Variants in GP6 observed in about 807,000 individuals in gnomAD.
GP6 encodes the protein glycoprotein VI platelet.
In GP6, 45 loss-of-function variants were observed where a neutral mutation model predicts 37.3. The ratio of observed to expected loss-of-function variants is 1.21; its 90% CI spans 0.95 to 1.55. GP6 has a LOEUF of 1.55. Among genes scored for constraint, GP6 ranks in the 40% most tolerant of loss-of-function variants. The pLI is 0.00. For synonymous variants in GP6, 340 were observed against 316.4 expected (o/e 1.07, Z -0.79); for missense variants, 813 against 760.2 (o/e 1.07, Z -0.82).
Position 55,018,663 on chromosome 19 carries a change from A to G in GP6, c.713T>C (p.Val238Ala), listed in dbSNP as rs2073963553. 1.3e-6 allele frequency: 2 copies of G among 1,596,570 alleles called. No individual in the cohort carries two copies. The highest frequency in any genetic ancestry group is 1.7e-6 in the Non-Finnish European group (2 of 1,163,944). ...GCCTGGTTACTCACCAGTTGTGAAG[A>G]CTTCGTTTGTGAATGAGACGGTCAG... Residue 238 changes from valine (V) to alanine (A), a missense_variant, in exon 6 of 8, where the codon GTC (valine) becomes GCC (alanine). Val to Ala is a moderately conservative substitution (Grantham distance 64, BLOSUM62 0). Transcript: ENST00000310373.
chr19:55,025,839 G>A (rs557975574), intron 4 of GP6, among the ~76,000 whole-genome samples: 2 of 151,200 alleles, frequency 1.3e-5, no homozygotes, highest in African/African-American at 2.4e-5. Flanking sequence ...CTGTCTCTAC[G>A]AAAAATACAA....
intron 5 of GP6, among the ~76,000 whole-genome samples, chr19:55,019,196 C>T (rs967830414): frequency 8.0e-5 from 12 of 150,438 alleles, no homozygotes; most frequent in African/African-American, 2.7e-4. Context: ...ACCTCCACCT[C>T]CTGGGTTCAA....
intron 3 of GP6, among the ~76,000 whole-genome samples, chr19:55,028,785 G>A (rs1033654148): frequency 1.3e-5 from 2 of 152,218 alleles, no homozygotes; most frequent in African/African-American, 4.8e-5. Flanking sequence ...ACTCTGATGT[G>A]AGGTTGTTGT....
At chr19:55,017,908 A>AT (rs2073934619) in intron 6 of GP6, among the ~76,000 whole-genome samples, 1 of 150,286 alleles carries the variant, frequency 6.7e-6, no homozygotes. Flanking sequence ...GTCTCTACTA[A>AT]AATACAAAAA....
intron 3 of GP6, among the ~76,000 whole-genome samples, chr19:55,028,898 G>A (rs1049868978): frequency 6.6e-6 from 1 of 152,136 alleles, no homozygotes; most frequent in Non-Finnish European, 1.5e-5. Flanking sequence ...ACTTTGGGAG[G>A]CCAAGGTGGG....
intron 5 of GP6, among the ~76,000 whole-genome samples, chr19:55,020,205 CTTT>C (rs71181725): frequency 0.39 from 43,752 of 111,338 alleles, 6,858 homozygotes; most frequent in Middle Eastern, 0.48. Flanking sequence ...ATTAATAAAC[CTTT>C]TTTTTTTTTT....
rs1398007896 is a variant in GP6 at position 55,014,244 on chromosome 19, T to C, written c.1701A>G (p.Leu567=). Reference sequence around the variant, plus strand: ...TCAGCCCCCTGAGTTGCTGGGAGTATAGGGATGCACCACCACACCTGGCTA... The same window carrying C: ...TCAGCCCCCTGAGTTGCTGGGAGTACAGGGATGCACCACCACACCTGGCTA... Residue 567 remains leucine, a synonymous_variant, in exon 8 of 8, where the codon CTA becomes CTG. Transcript: ENST00000310373. 2 of 934,272 alleles carry C rather than the reference T, an allele frequency of 2.1e-6. No homozygotes were observed. The highest frequency in any genetic ancestry group is 3.5e-6 in the Non-Finnish European group (2 of 574,250). 57.9% of individuals were successfully genotyped at this position (934,272 alleles called of 1,614,324 possible).
intron 5 of GP6, among the ~76,000 whole-genome samples, chr19:55,024,207 C>G (rs556853111): frequency 6.6e-6 from 1 of 151,854 alleles, no homozygotes; most frequent in South Asian, 2.1e-4. Context: ...CTTCCTGTGA[C>G]TCTAGAACCA....
intron 6 of GP6, among the ~76,000 whole-genome samples, chr19:55,016,520 C>T (rs2073883018): frequency 2.0e-5 from 3 of 151,532 alleles, no homozygotes; most frequent in South Asian, 4.2e-4. Context: ...GGACTACAGG[C>T]GTCCGCCACC....
At chr19:55,028,761 C>T (rs2074404324) in intron 3 of GP6, among the ~76,000 whole-genome samples, 1 of 152,188 alleles carries the variant, frequency 6.6e-6, no homozygotes, top group Non-Finnish European at 1.5e-5. Context: ...CGCTCCTAAA[C>T]ACGAACCTAC....
chr19:55,032,121 C>G lies in GP6; in HGVS notation c.325+18G>C, dbSNP rs115456071. ...CGGAGGACCACGCAGTCCCAGGCTC[C>G]GATCCCCCTTCCTTTACCCGTGGCA... On this transcript the variant is annotated intron_variant, in intron 3 of 7. Transcript: ENST00000310373. 2 of 1,612,258 alleles carry G rather than the reference C, an allele frequency of 1.2e-6. No individual in the cohort carries two copies. Among genetic ancestry groups the G allele is most frequent in the East Asian group, 2.2e-5 (1 of 44,882 alleles).
rs559626054 is a variant in GP6, at chr19:55,031,107, C to T, written c.325+1032G>A. ...AAGCAATCCTCCCGCCTCAGCCTCC[C>T]AAAGTGCTGGGATTACAGGTGTAAA... On this transcript the variant is annotated intron_variant, in intron 3 of 7. Transcript: ENST00000310373. Among the ~76,000 whole-genome samples the T allele has an allele frequency of 1.1e-4, 16 of 152,292 alleles. No individual in the cohort carries two copies. The South Asian group carries it at 1.7e-3, about 16-fold the overall frequency.
At position 55,014,327 on chromosome 19, in the gene GP6, T is replaced by A; in HGVS notation, c.1618A>T (p.Ser540Cys). 6.3e-7 allele frequency: 1 copy of A among 1,596,574 alleles called. No individual in the cohort carries two copies. The highest frequency in any genetic ancestry group is 1.3e-5 in the African/African-American group (1 of 74,720). The change falls in exon 8 of 8, where the codon AGC becomes TGC. Residue 540 changes from serine to cysteine, a missense_variant. Transcript: ENST00000310373. Reference sequence around the variant, plus strand: ...TGAGGTTTCACCATGTTGCACAGGCTGATCTTGTTTTCTAATGTGAAGGGA... The same window carrying A: ...TGAGGTTTCACCATGTTGCACAGGCAGATCTTGTTTTCTAATGTGAAGGGA...
intron 6 of GP6, 51 bp downstream of exon 6, chr19:55,018,601 G>C (rs2073960857): frequency 1.0e-6 from 1 of 1,001,926 alleles, no homozygotes; most frequent in Admixed American, 1.7e-5. Context: ...GGAAGAGAGA[G>C]CTCCGTCCTC....
intron 5 of GP6, among the ~76,000 whole-genome samples, chr19:55,024,360 A>ATGCACGCG (rs796633674): frequency 7.7e-6 from 1 of 130,572 alleles, no homozygotes; most frequent in African/African-American, 2.8e-5. Context: ...ACGCACACAC[A>ATGCACGCG]CATATGCACG....
In GP6 at chr19:55,014,739, A is replaced by G. The variant is rs766715406; in HGVS notation, c.1206T>C (p.Cys402=). 1.6e-5 allele frequency: 25 copies of G among 1,610,400 alleles called. No homozygotes were observed. The highest frequency in any genetic ancestry group is 2.0e-5 in the Non-Finnish European group (23 of 1,177,474). The stretch of plus-strand genomic sequence containing the variant: ...AGGGTGCCCTCAGACAGAGAGGCAG[A>G]CAGACAGACAGACACTGGCCGAACG... The change falls in exon 8 of 8, where the codon TGT becomes TGC. Residue 402 remains cysteine (C), a synonymous_variant. Transcript: ENST00000310373.
chr19:55,029,721 T>A (rs367868959), intron 3 of GP6, among the ~76,000 whole-genome samples: 2 of 147,972 alleles, frequency 1.4e-5, no homozygotes, highest in Non-Finnish European at 1.5e-5. Flanking sequence ...ACCACCAAGA[T>A]AAAAAAAGGT....
chr19:55,025,328 A>G lies in GP6; in HGVS notation c.611-57T>C, dbSNP rs1405561012. 7 of 1,038,534 alleles carry G rather than the reference A, an allele frequency of 6.7e-6. No individual in the cohort carries two copies. The African/African-American group carries it at 9.5e-5, about 14-fold the overall frequency. 64.3% of individuals were successfully genotyped at this position (1,038,534 alleles called of 1,614,324 possible). A position where few individuals can be genotyped will look rare whatever the true frequency, so the allele number is the denominator to read the frequency against. ...CTCTGTCGCTGTGGGTCCTGAACAA[A>G]TAACGAAACATCTCCGTGACTGAGT... On this transcript the variant is annotated intron_variant, in intron 4 of 7. Transcript: ENST00000310373.
chr19:55,024,994 T>C (rs935420459), intron 5 of GP6, among the ~76,000 whole-genome samples: 2 of 152,202 alleles, frequency 1.3e-5, no homozygotes, highest in African/African-American at 4.8e-5. Flanking sequence ...GCATGTTATA[T>C]GTGATAAACC....
Sources: gnomAD v4.1 joint callset for allele counts (sites outside exome capture counted in the v4.1 genomes callset) on GRCh38, gnomAD v4.1.1 for gene constraint, MANE v1.5 for transcripts, NCBI Gene and HGNC (gene_info 2026-07-23, HGNC 2026-07-21) for gene names.